The following CTSD variants were observed in gnomAD, a reference collection of about 807,000 sequenced individuals.
CTSD encodes cathepsin D, also known as ceroid-lipofuscinosis, neuronal 10.
In CTSD, 28 loss-of-function variants were observed where a neutral mutation model predicts 43.6. That is an observed-to-expected ratio of 0.64 (90% CI 0.48 to 0.88). The LOEUF (loss-of-function observed/expected upper bound fraction) is 0.88. Ranked by LOEUF, CTSD falls within the 40% of genes least tolerant of loss-of-function variation. CTSD has a pLI of 0.00. For missense variants in CTSD, 485 were observed against 555.2 expected, an observed-to-expected ratio of 0.87 and a Z score of 1.27; for synonymous variants, 270 against 249.8, an observed-to-expected ratio of 1.08 and a Z score of -0.76.
At chr11:1,754,842 C>T (rs1845790164) in intron 6 of CTSD, 64 bp downstream of exon 6, 1 of 1,610,210 alleles carries the variant, frequency 6.2e-7, no homozygotes, top group African/African-American at 1.3e-5. Context: ...CGGGGTCCTC[C>T]AGGGTCTCCG....
chr11:1,755,134 G>T, intron 5 of CTSD, 106 bp from the exon 6 acceptor site: 1 of 1,356,540 alleles, frequency 7.4e-7, no homozygotes, highest in Non-Finnish European at 1.0e-6. Flanking sequence ...GCTTCCTGAA[G>T]GAGGGGCCTT....
intron 2 of CTSD, chr11:1,760,479 A>C (rs1479902661): frequency 1.3e-5 from 2 of 152,276 alleles, no homozygotes; most frequent in African/African-American, 4.8e-5. Context: ...GCCTGGCTTC[A>C]CGGAGCAGCA....
Position 1,754,132 on chromosome 11 carries a change from C to T in CTSD, c.834G>A (p.Glu278=). 2 of 1,608,906 alleles carry T rather than the reference C, an allele frequency of 1.2e-6. No homozygotes were observed. The highest frequency in any genetic ancestry group is 1.7e-6 in the Non-Finnish European group (2 of 1,179,622). Residue 278 remains glutamate (E), a synonymous_variant, in exon 7 of 9, where the codon GAG becomes GAA. Transcript: ENST00000236671. ...AYWQVHLDQV[E]VASGLTLCKE... is the part of the protein sequence containing the mutation. Reference sequence around the variant, plus strand: ...TGCACAGGGTCAGCCCGCTGGCCACCTCCACCCTGCGGGGAGTCAGGGCGT... The same window carrying T: ...TGCACAGGGTCAGCCCGCTGGCCACTTCCACCCTGCGGGGAGTCAGGGCGT...
At chr11:1,755,210 G>T in intron 5 of CTSD, 182 bp from the exon 6 acceptor site, 1 of 734,594 alleles carries the variant, frequency 1.4e-6, no homozygotes. Context: ...TCTTCCCGGG[G>T]TAGGGCTGCT....
intron 4 of CTSD, among the ~76,000 whole-genome samples, chr11:1,758,242 G>T (rs1462931198): frequency 6.6e-6 from 1 of 152,152 alleles, no homozygotes; most frequent in Non-Finnish European, 1.5e-5. Flanking sequence ...CTGGAGGAAG[G>T]GGCCCTCTTC....
Position 1,758,596 on chromosome 11 carries a change from A to G in CTSD, c.471+373T>C, listed in dbSNP as rs906104164. ...TTCCTGGTACATCCTCCCAACCCCA[A>G]GCCTCCCCAAGCCCTCGGCCTGCTG... On this transcript the variant is annotated intron_variant, in intron 4 of 8. Transcript: ENST00000236671. 6.6e-5 allele frequency among the ~76,000 whole-genome samples: 10 copies of G among 152,006 alleles called. No individual in the cohort carries two copies. The East Asian group carries it at 1.6e-3, about 24-fold the overall frequency.
intron 1 of CTSD, chr11:1,762,344 TAA>T (rs1491188414): frequency 2.6e-5 from 4 of 152,044 alleles, no homozygotes; most frequent in African/African-American, 9.7e-5. Context: ...AGGAAGCGAG[TAA>T]GAGAGAGAGG....
In CTSD at chr11:1,759,714, G is replaced by C. The variant is rs748389548; in HGVS notation, c.229-75C>G. The C allele has an allele frequency of 3.9e-5, 58 of 1,504,356 alleles. No homozygotes were observed. The Middle Eastern group carries it at 6.9e-4, about 18-fold the overall frequency. 93.2% of individuals were successfully genotyped at this position (1,504,356 alleles called of 1,614,324 possible). A position where few individuals can be genotyped will look rare whatever the true frequency, so the allele number is the denominator to read the frequency against. The stretch of plus-strand genomic sequence containing the variant: ...CCACTGGGCCTCAGAAGGCCCGGCT[G>C]TCCCCAGAGCCAAGGCCCATACTGG... On this transcript the variant is annotated intron_variant, in intron 2 of 8. Coordinates refer to ENST00000236671, the MANE Select transcript of CTSD (RefSeq NM_001909.5).
rs954432712 is a variant in CTSD at position 1,753,420 on chromosome 11, G to A, written c.*83C>T. 39 of 1,529,258 alleles carry A rather than the reference G, an allele frequency of 2.6e-5. No homozygotes were observed. The highest frequency in any genetic ancestry group is 2.3e-4 in the African/African-American group (17 of 73,294). The allele number at this position is 1,529,258 out of a possible 1,614,324, so 94.7% of individuals were successfully genotyped here. ...AGTGGGCGGGCGAGTGTGTGGGTGTGTGTGGGAGGGGCCGCTGGGCCAGGG... is the reference window on the plus strand; with the variant it reads ...AGTGGGCGGGCGAGTGTGTGGGTGTATGTGGGAGGGGCCGCTGGGCCAGGG... On this transcript the variant is annotated 3_prime_UTR_variant, in exon 9 of 9. Transcript: ENST00000236671.
intron 4 of CTSD, 114 bp downstream of exon 4, chr11:1,758,855 G>C: frequency 1.2e-6 from 1 of 826,478 alleles, no homozygotes; most frequent in Non-Finnish European, 2.1e-6. Flanking sequence ...GGCCACCTGA[G>C]GGCTGGGGTT....
intron 2 of CTSD, chr11:1,760,687 G>C (rs1490903335): frequency 6.4e-6 from 1 of 157,146 alleles, no homozygotes; most frequent in African/African-American, 2.4e-5. Context: ...TCACATGCCT[G>C]TGAGTCTTGG....
intron 4 of CTSD, among the ~76,000 whole-genome samples, chr11:1,758,489 C>A (rs1845835666): frequency 6.6e-6 from 1 of 152,080 alleles, no homozygotes; most frequent in Admixed American, 6.5e-5. Flanking sequence ...CAGGCGGGGC[C>A]CCCAACAGCC....
intron 6 of CTSD, chr11:1,754,373 ATGGAGGGGC>A: frequency 2.2e-6 from 1 of 449,324 alleles, no homozygotes; most frequent in Non-Finnish European, 4.1e-6. Flanking sequence ...GATGGAGGGG[ATGGAGGGGC>A]ATAGAGGGAT....
At chr11:1,756,387 T>C (rs1845809669) in intron 5 of CTSD, among the ~76,000 whole-genome samples, 1 of 152,216 alleles carries the variant, frequency 6.6e-6, no homozygotes, top group Non-Finnish European at 1.5e-5. Flanking sequence ...GAGTATTCAC[T>C]GCCCAGGCAA....
At chr11:1,758,434 T>C (rs1045287475) in intron 4 of CTSD, among the ~76,000 whole-genome samples, 1 of 152,092 alleles carries the variant, frequency 6.6e-6, no homozygotes, top group Non-Finnish European at 1.5e-5. Flanking sequence ...CACCCTCTCC[T>C]AGGGCAGGGA....
chr11:1,754,533 A>ATGGAG (rs1590904648), intron 6 of CTSD, among the ~76,000 whole-genome samples: 3 of 18,944 alleles, frequency 1.6e-4, no homozygotes, highest in Non-Finnish European at 2.8e-4. Flanking sequence ...GAGGGGATGG[A>ATGGAG]GGGATGGAGG....
intron 5 of CTSD, 70 bp from the exon 6 acceptor site, chr11:1,755,098 G>C (rs1845794312): frequency 1.1e-5 from 18 of 1,589,056 alleles, no homozygotes; most frequent in Non-Finnish European, 1.6e-5. Flanking sequence ...TCAGGAGTAA[G>C]AGGGTGAATG....
chr11:1,757,531 G>A lies in CTSD; in HGVS notation c.497C>T (p.Ala166Val), dbSNP rs796052396. 2 of 1,612,252 alleles carry A rather than the reference G, an allele frequency of 1.2e-6. No individual in the cohort carries two copies. The highest frequency in any genetic ancestry group is 1.1e-5 in the South Asian group (1 of 91,034). ...VSVPCQSASS[A>V]SALGGVKVER... ...CACTTTGACACCGCCCAGGGCAGAG[G>A]CTGACGACGCTGACTGGCAGGGCAC... Residue 166 changes from alanine to valine, a missense_variant, in exon 5 of 9, where the codon GCC becomes GTC. Ala to Val is a moderately conservative substitution (Grantham distance 64). Coordinates refer to ENST00000236671, the MANE Select transcript of CTSD (RefSeq NM_001909.5).
rs112469243 is a variant in CTSD, at chr11:1,762,650, A to C, written c.68+1142T>G. 5.3e-3 allele frequency among the ~76,000 whole-genome samples: 813 copies of C among 152,210 alleles called. 9 individuals are homozygous for C. Among genetic ancestry groups the C allele is most frequent in the African/African-American group, 0.019 (781 of 41,512 alleles). On this transcript the variant is annotated intron_variant, in intron 1 of 8. Coordinates refer to ENST00000236671, the MANE Select transcript of CTSD (RefSeq NM_001909.5). ...GGTGTAATAGTATCAGTCGCACAAG[A>C]GCTGGAATCGGGTGAGGGCTTGGAT...
Sources: allele counts gnomAD v4.1 joint callset (sites outside exome capture counted in the v4.1 genomes callset), GRCh38; gene constraint gnomAD v4.1.1; transcripts MANE v1.5; gene names NCBI Gene and HGNC (gene_info 2026-07-23, HGNC 2026-07-21).